SDAD1: variants seen among roughly 807,000 people sequenced by gnomAD.
The protein encoded by SDAD1 is SDA1 domain containing 1.
SDAD1 carries 79 observed loss-of-function variants against 100.3 expected under a neutral mutation model. That is an observed-to-expected ratio of 0.79 (90% CI 0.66 to 0.95). SDAD1 has a LOEUF of 0.95. SDAD1 is among the 40% of genes least tolerant of loss of function. The pLI is 0.00. For synonymous variants in SDAD1, 267 were observed against 271.4 expected, an observed-to-expected ratio of 0.98 and a Z score of 0.16; for missense variants, 790 against 810.9, an observed-to-expected ratio of 0.97 and a Z score of 0.31.
intron 11 of SDAD1, among the ~76,000 whole-genome samples, chr4:75,968,633 G>C (rs1054946393): frequency 3.3e-5 from 5 of 152,120 alleles, no homozygotes; most frequent in Non-Finnish European, 4.4e-5. Context: ...GGAAAGCCAA[G>C]AAGAGTTAAA....
At chr4:75,965,245 G>A (rs11097189) in intron 13 of SDAD1, among the ~76,000 whole-genome samples, 49,989 of 151,746 alleles carry the variant, frequency 0.33, 9,010 homozygotes, top group South Asian at 0.42. Context: ...GGTCTCCCGT[G>A]GCACTCCCAG....
chr4:75,955,908 C>T, intron 21 of SDAD1, 67 bp downstream of exon 21: 5 of 1,517,026 alleles, frequency 3.3e-6, no homozygotes, highest in Non-Finnish European at 4.4e-6. Flanking sequence ...GCAAGTCCGT[C>T]TCAAATGTAA....
intron 14 of SDAD1, among the ~76,000 whole-genome samples, chr4:75,962,457 C>A (rs1324880387): frequency 1.3e-5 from 2 of 152,160 alleles, no homozygotes; most frequent in African/African-American, 2.4e-5. Context: ...AGTTCTAGAT[C>A]CTTGAGGAAT....
At position 75,957,866 on chromosome 4, in the gene SDAD1, T is replaced by A. The variant is rs1228983335; in HGVS notation, c.1559A>T (p.Asp520Val). 5.6e-6 allele frequency: 9 copies of A among 1,613,908 alleles called. No individual in the cohort carries two copies. The highest frequency in any genetic ancestry group is 7.6e-6 in the Non-Finnish European group (9 of 1,179,998). The change falls in exon 18 of 22, where the codon GAT (aspartate) becomes GTT (valine). Residue 520 changes from aspartate (D) to valine (V), a missense_variant. Coordinates refer to ENST00000356260, the MANE Select transcript of SDAD1 (RefSeq NM_018115.4). ...GEWIDVQHSS[D>V]EEQQEISKKL... is the part of the protein sequence containing the mutation. ...ACTTACGATTTCTTGCTGTTCTTCA[T>A]CGGAAGAGTGTTGCACATCAATCCA...
At chr4:75,951,012 A>G (rs1170086759) in intron 21 of SDAD1, among the ~76,000 whole-genome samples, 4 of 152,138 alleles carry the variant, frequency 2.6e-5, no homozygotes, top group Non-Finnish European at 5.9e-5. Flanking sequence ...GCTGTTCCCA[A>G]CTCATGGAGG....
intron 12 of SDAD1, among the ~76,000 whole-genome samples, chr4:75,966,335 C>T (rs576765295): frequency 2.6e-5 from 4 of 150,964 alleles, no homozygotes; most frequent in South Asian, 4.2e-4. Context: ...AAAGGGGCAG[C>T]ATAGCATAGG....
chr4:75,960,700 G>A (rs1013608594), intron 16 of SDAD1, among the ~76,000 whole-genome samples: 1 of 152,146 alleles, frequency 6.6e-6, no homozygotes, highest in Admixed American at 6.5e-5. Flanking sequence ...GAAAGAGGTA[G>A]TATCTGGCTG....
chr4:75,954,176 T>C (rs1427681942), intron 21 of SDAD1, among the ~76,000 whole-genome samples: 1 of 151,886 alleles, frequency 6.6e-6, no homozygotes, highest in Non-Finnish European at 1.5e-5. Context: ...GGTCAGGAGA[T>C]CAAGACCATC....
intron 1 of SDAD1, among the ~76,000 whole-genome samples, chr4:75,984,584 T>A (rs1730754926): frequency 6.6e-6 from 1 of 152,152 alleles, no homozygotes; most frequent in Non-Finnish European, 1.5e-5. Context: ...TTCCACTTAT[T>A]CAGCACTTGT....
intron 2 of SDAD1, 75 bp downstream of exon 2, chr4:75,981,858 G>T: frequency 9.5e-7 from 1 of 1,048,302 alleles, no homozygotes; most frequent in Non-Finnish European, 1.4e-6. Context: ...GTGGAATAAG[G>T]TTGAGTATTA....
intron 14 of SDAD1, among the ~76,000 whole-genome samples, chr4:75,961,849 G>T (rs1729249598): frequency 7.3e-6 from 1 of 137,012 alleles, no homozygotes; most frequent in Non-Finnish European, 1.6e-5. Context: ...AACTCATGTC[G>T]AAACTTAATT....
chr4:75,983,121 C>T (rs1730644920), intron 1 of SDAD1, among the ~76,000 whole-genome samples: 1 of 152,118 alleles, frequency 6.6e-6, no homozygotes, highest in Non-Finnish European at 1.5e-5. Flanking sequence ...AGGACATGAA[C>T]TCATCCTTTT....
At chr4:75,970,894 C>A (rs1468471748) in intron 9 of SDAD1, among the ~76,000 whole-genome samples, 1 of 152,166 alleles carries the variant, frequency 6.6e-6, no homozygotes, top group African/African-American at 2.4e-5. Context: ...TTTCCTGAGG[C>A]CTCCCCCACC....
At chr4:75,966,419 CT>C (rs937023785) in intron 12 of SDAD1, among the ~76,000 whole-genome samples, 1 of 151,850 alleles carries the variant, frequency 6.6e-6, no homozygotes, top group Non-Finnish European at 1.5e-5. Flanking sequence ...TGACTCTAGT[CT>C]TTTTTTTCCC....
intron 1 of SDAD1, among the ~76,000 whole-genome samples, chr4:75,989,579 T>TAGGCTCAGCGATTAACCTGC (rs1731111098): frequency 6.6e-6 from 1 of 152,214 alleles, no homozygotes; most frequent in African/African-American, 2.4e-5. Context: ...AATACCCACA[T>TAGGCTCAGCGATTAACCTGC]AGGCTCAGCG....
At chr4:75,967,944 CAAG>C (rs1424591417) in intron 11 of SDAD1, among the ~76,000 whole-genome samples, 1 of 152,084 alleles carries the variant, frequency 6.6e-6, no homozygotes, top group African/African-American at 2.4e-5. Context: ...TGTTTAATTT[CAAG>C]AAGAGAAACT....
rs917768032 is a variant in SDAD1 at position 75,971,242 on chromosome 4, T to C, written c.813+115A>G. The C allele has an allele frequency of 2.3e-5, 16 of 697,576 alleles. No individual in the cohort carries two copies. In the African/African-American group the frequency reaches 2.7e-4, roughly 12 times the overall value. The allele number at this position is 697,576 out of a possible 1,614,324, so 43.2% of individuals were successfully genotyped here. A position where few individuals can be genotyped will look rare whatever the true frequency, so the allele number is the denominator to read the frequency against. On this transcript the variant is annotated intron_variant, in intron 9 of 21. Coordinates refer to ENST00000356260, the MANE Select transcript of SDAD1 (RefSeq NM_018115.4). ...TTAGTGCTTAAAAATTTATCTAACA[T>C]TTCTAAGTATTCTGAAAATGGTACT...
At chr4:75,973,749 A>G (rs1425444910) in intron 7 of SDAD1, among the ~76,000 whole-genome samples, 1 of 152,204 alleles carries the variant, frequency 6.6e-6, no homozygotes, top group Non-Finnish European at 1.5e-5. Context: ...GTCAAGAATC[A>G]CAGGAGAAAA....
chr4:75,983,796 G>C (rs1470506851), intron 1 of SDAD1, among the ~76,000 whole-genome samples: 1 of 152,102 alleles, frequency 6.6e-6, no homozygotes. Context: ...AGTTTAATTA[G>C]ATCCCATTTG....
Sources: gnomAD v4.1 joint callset for allele counts (sites outside exome capture counted in the v4.1 genomes callset) on GRCh38, gnomAD v4.1.1 for gene constraint, MANE v1.5 for transcripts, NCBI Gene and HGNC (gene_info 2026-07-23, HGNC 2026-07-21) for gene names.